HELB: variants seen among roughly 807,000 people sequenced by gnomAD.
HELB encodes the protein DNA helicase B, also known as DNA 5'-3' helicase B.
In HELB, 96 loss-of-function variants were observed where a neutral mutation model predicts 101.7. The observed-to-expected ratio is 0.94, with a 90% CI of 0.80 to 1.12. The LOEUF is 1.12. Among genes scored for constraint, HELB ranks in the 50% most tolerant of loss-of-function variants. The pLI is 0.00. For missense variants in HELB, 1,210 were observed against 1,291.9 expected (o/e 0.94, Z 0.97); for synonymous variants, 437 against 459.7 (o/e 0.95, Z 0.63).
At chr12:66,310,750 G>A (rs2053534983) in intron 4 of HELB, 142 bp downstream of exon 4, 1 of 724,770 alleles carries the variant, frequency 1.4e-6, no homozygotes, top group Non-Finnish European at 2.3e-6. Flanking sequence ...GGCTAACATG[G>A]TGGAACCCTG....
intron 7 of HELB, among the ~76,000 whole-genome samples, chr12:66,319,970 A>G (rs1319695136): frequency 1.3e-5 from 2 of 151,310 alleles, no homozygotes. Flanking sequence ...GATACAATAC[A>G]ATAGATAAAG....
chr12:66,322,134 T>G, intron 8 of HELB, 105 bp downstream of exon 8: 3 of 568,612 alleles, frequency 5.3e-6, no homozygotes, highest in Non-Finnish European at 9.5e-6. Context: ...TTCATCACTG[T>G]TAATTCTCTT....
rs755519248 is a variant in HELB, at chr12:66,338,113, A to G, written c.*11A>G. 5 of 1,370,024 alleles carry G rather than the reference A, an allele frequency of 3.6e-6. No individual in the cohort carries two copies. The highest frequency in any genetic ancestry group is 2.3e-5 in the East Asian group (1 of 43,690). 84.9% of individuals were successfully genotyped at this position (1,370,024 alleles called of 1,614,324 possible). ...AATCAAGAAACTTAGTTTTATTTCA[A>G]ATTGTTCCGAGTAACTATGTTTTTC... On this transcript the variant is annotated 3_prime_UTR_variant, in exon 13 of 13. Coordinates refer to ENST00000247815, the MANE Select transcript of HELB (RefSeq NM_001370285.1).
rs2053720763 is a variant in HELB at position 66,325,097 on chromosome 12, G to A, written c.2641G>A (p.Ala881Thr). 2 of 1,612,234 alleles carry A rather than the reference G, an allele frequency of 1.2e-6. No homozygotes were observed. Among genetic ancestry groups the A allele is most frequent in the Admixed American group, 1.7e-5 (1 of 59,994 alleles). The change falls in exon 11 of 13, where the codon GCA becomes ACA. Residue 881 changes from alanine to threonine, a missense_variant. By Grantham distance (58) the Ala-to-Thr change is moderately conservative (BLOSUM62 0). This residue lies in a region of HELB where 740 missense variants were observed against 728.8 expected (regional missense o/e 1.02). Coordinates refer to ENST00000247815, the MANE Select transcript of HELB (RefSeq NM_001370285.1). Reference protein sequence around the residue: ...KLMKYCRIKHAWARTIHTFQG... With the variant: ...KLMKYCRIKHTWARTIHTFQG... ...AATGAAATATTGTCGCATAAAACATGCATGGGCAAGAACTATTCACACTTT... is the reference window on the plus strand; with the variant it reads ...AATGAAATATTGTCGCATAAAACATACATGGGCAAGAACTATTCACACTTT...
At chr12:66,307,743 C>CCTTTT (rs1214541631) in intron 3 of HELB, among the ~76,000 whole-genome samples, 2 of 151,580 alleles carry the variant, frequency 1.3e-5, no homozygotes, top group Admixed American at 6.6e-5. Context: ...CTCTACCTCC[C>CCTTTT]CTTTTCTTTT....
intron 11 of HELB, among the ~76,000 whole-genome samples, chr12:66,326,424 G>C (rs1565642753): frequency 6.6e-6 from 1 of 151,934 alleles, no homozygotes; most frequent in African/African-American, 2.4e-5. Context: ...TGTATTCTTA[G>C]TAGAGACGGG....
intron 10 of HELB, 89 bp downstream of exon 10, chr12:66,324,300 A>T: frequency 1.1e-6 from 1 of 921,490 alleles, no homozygotes; most frequent in South Asian, 1.6e-5. Flanking sequence ...GAATCTAATG[A>T]TATCAGTTGA....
chr12:66,321,838 T>C, intron 7 of HELB, 110 bp from the exon 8 acceptor site: 1 of 588,384 alleles, frequency 1.7e-6, no homozygotes, highest in Non-Finnish European at 3.1e-6. Flanking sequence ...TTCCATTTGG[T>C]GAGATATTTT....
rs759582048 is a variant in HELB at position 66,310,166 on chromosome 12, A to G, written c.1238A>G (p.Glu413Gly). The G allele has an allele frequency of 3.7e-6, 6 of 1,614,148 alleles. No individual in the cohort carries two copies. In the African/African-American group the frequency reaches 8.0e-5, roughly 22 times the overall value. ...AGCAAACCTGATGAAGTAAGATTAG[A>G]AAATCCTGTGGATGTTGTGGACACA... ...NESKPDEVRL[E>G]NPVDVVDTQD... is the part of the protein sequence containing the mutation. Residue 413 changes from glutamate (E) to glycine (G), a missense_variant, in exon 4 of 13, where the codon GAA becomes GGA. Transcript: ENST00000247815.
At chr12:66,318,123 T>A (rs2053630741) in intron 6 of HELB, among the ~76,000 whole-genome samples, 1 of 152,196 alleles carries the variant, frequency 6.6e-6, no homozygotes, top group Admixed American at 6.5e-5. Context: ...GAATATAATG[T>A]AAACATATGG....
intron 12 of HELB, among the ~76,000 whole-genome samples, chr12:66,336,150 A>G (rs2053864437): frequency 6.6e-6 from 1 of 152,238 alleles, no homozygotes; most frequent in Non-Finnish European, 1.5e-5. Flanking sequence ...AAAATCAGAC[A>G]TTCAGAATAT....
chr12:66,304,271 T>TTATA (rs2053445040), intron 1 of HELB, among the ~76,000 whole-genome samples: 1 of 146,924 alleles, frequency 6.8e-6, no homozygotes, highest in African/African-American at 2.5e-5. Context: ...TACATGAGAT[T>TTATA]CAGGGAAGAC....
At chr12:66,321,875 A>T in intron 7 of HELB, 73 bp from the exon 8 acceptor site, 1 of 647,594 alleles carries the variant, frequency 1.5e-6, no homozygotes, top group Non-Finnish European at 2.8e-6. Context: ...GGAATCCCAG[A>T]TTAGTTTCTT....
intron 11 of HELB, among the ~76,000 whole-genome samples, chr12:66,326,400 G>A (rs1300232284): frequency 1.3e-5 from 2 of 151,862 alleles, no homozygotes; most frequent in Non-Finnish European, 2.9e-5. Flanking sequence ...ATGCCACCAC[G>A]CCTGGCTAAT....
intron 9 of HELB, among the ~76,000 whole-genome samples, chr12:66,323,290 G>A (rs746354863): frequency 1.3e-5 from 2 of 151,954 alleles, no homozygotes; most frequent in Non-Finnish European, 2.9e-5. Context: ...TAGGTGGAGT[G>A]CCTGTCTGCT....
At position 66,320,675 on chromosome 12, in the gene HELB, C is replaced by G. The variant is rs2053660243; in HGVS notation, c.2156-1273C>G. Among the ~76,000 whole-genome samples the G allele has an allele frequency of 3.3e-5, 5 of 152,224 alleles. No homozygotes were observed. The South Asian group carries it at 1.0e-3, about 32-fold the overall frequency. On this transcript the variant is annotated intron_variant, in intron 7 of 12. Coordinates refer to ENST00000247815, the MANE Select transcript of HELB (RefSeq NM_001370285.1). ...TGATACTGCTTTTCTAAATTAAAAA[C>G]TTCTGCTGGAAAATTAGTCTCTTCT... is the stretch of plus-strand genomic sequence containing the variant.
At position 66,310,621 on chromosome 12, in the gene HELB, A is replaced by G. The variant is rs141898186; in HGVS notation, c.1680+13A>G. ...CACACTGTGTCAGGTAAAACCTTTG[A>G]CATTTCATCTGTAGATAAAACATTT... On this transcript the variant is annotated intron_variant, in intron 4 of 12. Transcript: ENST00000247815. The G allele has an allele frequency of 9.8e-4, 1,567 of 1,595,592 alleles. 20 individuals carry two copies. In the African/African-American group the frequency reaches 0.018, roughly 18 times the overall value.
chr12:66,310,985 A>G (rs1219996291), intron 4 of HELB, among the ~76,000 whole-genome samples: 2 of 152,132 alleles, frequency 1.3e-5, no homozygotes, highest in African/African-American at 4.8e-5. Flanking sequence ...TTCTTAAAGC[A>G]ATCAGTAGGA....
chr12:66,337,941 G>A (rs1031889409), intron 12 of HELB, 60 bp from the exon 13 acceptor site: 44 of 948,326 alleles, frequency 4.6e-5, no homozygotes, highest in East Asian at 3.6e-4. Flanking sequence ...ATACAAGTAC[G>A]TAGGGTAGAC....
Sources: gnomAD v4.1 joint callset for allele counts (sites outside exome capture counted in the v4.1 genomes callset) on GRCh38, gnomAD v4.1.1 for gene constraint, gnomAD v4.1.1 regional missense constraint, MANE v1.5 for transcripts, NCBI Gene and HGNC (gene_info 2026-07-23, HGNC 2026-07-21) for gene names.